CCDC170: variants seen among roughly 807,000 people sequenced by gnomAD.
The protein encoded by CCDC170 is coiled-coil domain containing 170.
In CCDC170, 69 loss-of-function variants were observed where a neutral mutation model predicts 72.6. The ratio of observed to expected loss-of-function variants is 0.95; its 90% CI spans 0.78 to 1.16. CCDC170 has a LOEUF of 1.16. CCDC170 is among the 50% of genes most tolerant of loss of function. The probability of loss-of-function intolerance (pLI) is 0.00; values close to 1 mark genes in which losing one functional copy is unlikely to be tolerated. For synonymous variants in CCDC170, 300 were observed against 303.9 expected (o/e 0.99, Z 0.13); for missense variants, 852 against 832.5 (o/e 1.02, Z -0.29).
At chr6:151,600,995 G>A (rs7768201) in intron 9 of CCDC170, among the ~76,000 whole-genome samples, 5,016 of 152,082 alleles carry the variant, frequency 0.033, 247 homozygotes, top group African/African-American at 0.11. Context: ...CATATAATAC[G>A]TGGCCTTTGT....
chr6:151,612,622 A>G (rs2115143270), intron 9 of CCDC170, among the ~76,000 whole-genome samples: 1 of 152,090 alleles, frequency 6.6e-6, no homozygotes, highest in East Asian at 1.9e-4. Context: ...TCAGCTGTTT[A>G]CCGTGTAGGT....
intron 5 of CCDC170, among the ~76,000 whole-genome samples, chr6:151,554,247 C>T (rs954874516): frequency 3.3e-5 from 5 of 152,172 alleles, no homozygotes; most frequent in African/African-American, 1.2e-4. Context: ...AGCCACACAC[C>T]CATTTCCTAT....
intron 1 of CCDC170, among the ~76,000 whole-genome samples, chr6:151,508,826 A>C (rs544303673): frequency 6.7e-6 from 1 of 149,732 alleles, no homozygotes; most frequent in African/African-American, 2.5e-5. Flanking sequence ...GACCAGCCTG[A>C]CCAACATGGA....
chr6:151,611,637 A>G (rs1367609338), intron 9 of CCDC170, among the ~76,000 whole-genome samples: 2 of 152,108 alleles, frequency 1.3e-5, no homozygotes, highest in African/African-American at 4.8e-5. Context: ...TTAGGAGGAC[A>G]CAAACATTCA....
At chr6:151,545,610 G>T (rs778361676) in intron 4 of CCDC170, among the ~76,000 whole-genome samples, 1 of 151,886 alleles carries the variant, frequency 6.6e-6, no homozygotes, top group African/African-American at 2.4e-5. Context: ...CCATACAGCC[G>T]TTTGTTGTTG....
chr6:151,532,608 A>AG (rs66843936), intron 1 of CCDC170, among the ~76,000 whole-genome samples: 21,131 of 151,172 alleles, frequency 0.14, 1,919 homozygotes, highest in East Asian at 0.48. Flanking sequence ...CTGTCTCAAA[A>AG]GAAAAAAAAA....
intron 1 of CCDC170, among the ~76,000 whole-genome samples, chr6:151,507,370 A>G (rs1337993950): frequency 1.3e-5 from 2 of 152,108 alleles, no homozygotes; most frequent in Non-Finnish European, 2.9e-5. Flanking sequence ...CCAACTTATG[A>G]TGGTTCAACT....
In CCDC170 at chr6:151,545,350, G is replaced by A. The variant is rs988364848; in HGVS notation, c.588+634G>A. Among the ~76,000 whole-genome samples the A allele has an allele frequency of 5.3e-5, 8 of 152,078 alleles. No homozygotes were observed. In the South Asian group the frequency reaches 6.2e-4, roughly 12 times the overall value. ...AGGAGAATCACTTGAACCAGGAGGC[G>A]GAGGTTGCAGTGAGATCAAGCCACT... On this transcript the variant is annotated intron_variant, in intron 4 of 10. Transcript: ENST00000239374.
intron 1 of CCDC170, among the ~76,000 whole-genome samples, chr6:151,499,837 C>T (rs1781968449): frequency 6.6e-6 from 1 of 152,088 alleles, no homozygotes. Context: ...TCTGTTTATC[C>T]ATTCATCTGT....
At chr6:151,592,172 A>G (rs1287739191) in intron 7 of CCDC170, among the ~76,000 whole-genome samples, 1 of 152,034 alleles carries the variant, frequency 6.6e-6, no homozygotes, top group East Asian at 1.9e-4. Flanking sequence ...AGCCTGGCCA[A>G]TATGGTGAAA....
intron 1 of CCDC170, among the ~76,000 whole-genome samples, chr6:151,516,178 T>A (rs1782233169): frequency 6.6e-6 from 1 of 152,206 alleles, no homozygotes; most frequent in Non-Finnish European, 1.5e-5. Context: ...GAATTTGGTA[T>A]CTTATTGCTA....
At chr6:151,560,270 G>C (rs1783055646) in intron 5 of CCDC170, among the ~76,000 whole-genome samples, 1 of 152,050 alleles carries the variant, frequency 6.6e-6, no homozygotes, top group Non-Finnish European at 1.5e-5. Flanking sequence ...GTGTGGTTTT[G>C]GGAGTTTTTC....
chr6:151,544,688 A>G lies in CCDC170; in HGVS notation c.560A>G (p.Lys187Arg). Reference sequence around the variant, plus strand: ...TTGGATCCAGATGAGAGGAATGACAAGGCATCAGATGAAGATTTAATTTTA... The same window carrying G: ...TTGGATCCAGATGAGAGGAATGACAGGGCATCAGATGAAGATTTAATTTTA... ...DCLDPDERND[K>R]ASDEDLILKL... The change falls in exon 4 of 11, where the codon AAG becomes AGG. Residue 187 changes from lysine to arginine, a missense_variant. Coordinates refer to ENST00000239374, the MANE Select transcript of CCDC170 (RefSeq NM_025059.4). The G allele has an allele frequency of 6.2e-7, 1 of 1,612,512 alleles. No homozygotes were observed. The highest frequency in any genetic ancestry group is 8.5e-7 in the Non-Finnish European group (1 of 1,178,734).
intron 4 of CCDC170, 147 bp from the exon 5 acceptor site, chr6:151,548,157 C>T: frequency 1.6e-6 from 1 of 622,424 alleles, no homozygotes; most frequent in Non-Finnish European, 2.5e-6. Flanking sequence ...TTACAGGCTG[C>T]CTTTGAAAAT....
intron 7 of CCDC170, among the ~76,000 whole-genome samples, chr6:151,592,794 C>G (rs1776562100): frequency 6.6e-6 from 1 of 152,134 alleles, no homozygotes; most frequent in South Asian, 2.1e-4. Flanking sequence ...GTTGTCGAAG[C>G]AGAGAGATGA....
rs137893150 is a variant in CCDC170 at position 151,496,340 on chromosome 6, G to A, written c.57+2155G>A. On this transcript the variant is annotated intron_variant, in intron 1 of 10. Coordinates refer to ENST00000239374, the MANE Select transcript of CCDC170 (RefSeq NM_025059.4). ...ATTAGTTGAGTAATAATATTGATTC[G>A]GATAGAAATTTTTAGCATAAGTCAC... is the stretch of plus-strand genomic sequence containing the variant. 4.0e-3 allele frequency among the ~76,000 whole-genome samples: 586 copies of A among 148,252 alleles called. 4 individuals are homozygous for A. The highest frequency in any genetic ancestry group is 0.014 in the African/African-American group (555 of 39,336).
intron 5 of CCDC170, among the ~76,000 whole-genome samples, chr6:151,570,040 G>A (rs1308461890): frequency 4.6e-5 from 7 of 152,192 alleles, no homozygotes; most frequent in Non-Finnish European, 1.0e-4. Flanking sequence ...AGAGAGGATT[G>A]TTTTGGCCCT....
At chr6:151,612,473 T>C (rs1272790595) in intron 9 of CCDC170, among the ~76,000 whole-genome samples, 1 of 152,178 alleles carries the variant, frequency 6.6e-6, no homozygotes, top group Non-Finnish European at 1.5e-5. Flanking sequence ...AACATTCTCA[T>C]TCCCCTTTCT....
chr6:151,575,713 A>G (rs1776292804), intron 6 of CCDC170, among the ~76,000 whole-genome samples: 1 of 151,474 alleles, frequency 6.6e-6, no homozygotes, highest in African/African-American at 2.4e-5. Flanking sequence ...TATTTTTAGT[A>G]GAGACGGGGT....
Sources: allele counts gnomAD v4.1 joint callset (sites outside exome capture counted in the v4.1 genomes callset), GRCh38; gene constraint gnomAD v4.1.1; transcripts MANE v1.5; gene names NCBI Gene and HGNC (gene_info 2026-07-23, HGNC 2026-07-21).